The following DAB1 variants were observed in gnomAD, a reference collection of about 807,000 sequenced individuals.
DAB1 encodes disabled homolog 1.
DAB1 carries 15 observed loss-of-function variants against 64.6 expected under a neutral mutation model. The observed-to-expected ratio is 0.23, with a 90% CI of 0.16 to 0.36. DAB1 has a LOEUF of 0.36. Ranked by LOEUF, DAB1 falls within the 10% of genes least tolerant of loss-of-function variation. The pLI is 1.00. For synonymous variants in DAB1, 235 were observed against 251.9 expected, an observed-to-expected ratio of 0.93 and a Z score of 0.64; for missense variants, 596 against 706.7, an observed-to-expected ratio of 0.84 and a Z score of 1.78.
intron 1 of DAB1, among the ~76,000 whole-genome samples, chr1:57,397,715 G>A (rs17115739): frequency 0.11 from 16,546 of 152,254 alleles, 985 homozygotes; most frequent in Admixed American, 0.13. Flanking sequence ...AGTCTACCCC[G>A]AGTGATGAGG....
At chr1:57,971,682 G>C (rs1173775978) in intron 5 of DAB1, among the ~76,000 whole-genome samples, 2 of 152,174 alleles carry the variant, frequency 1.3e-5, no homozygotes, top group Admixed American at 1.3e-4. Flanking sequence ...TCTGTCAAAG[G>C]CATATAGTTA....
At chr1:57,880,907 C>G (rs1412947494) in intron 1 of DAB1, 5 of 152,030 alleles carry the variant, frequency 3.3e-5, no homozygotes, top group Non-Finnish European at 5.9e-5. Flanking sequence ...ATATAAAAAC[C>G]TCTATTTTAC....
intron 7 of DAB1, among the ~76,000 whole-genome samples, chr1:57,553,442 G>GAAAGAAAGAAAGGAA (rs59263518): frequency 2.9e-5 from 2 of 68,154 alleles, no homozygotes; most frequent in East Asian, 9.3e-4. Context: ...AAGAAAGAAA[G>GAAAGAAAGAAAGGAA]AGAAAGAAAG....
At chr1:57,348,398 C>G (rs1165406059) in intron 1 of DAB1, among the ~76,000 whole-genome samples, 1 of 151,996 alleles carries the variant, frequency 6.6e-6, no homozygotes, top group African/African-American at 2.4e-5. Context: ...TAAAGGTGAC[C>G]CTTGAGCTAT....
chr1:57,161,189 G>A (rs1324497441), intron 2 of DAB1, among the ~76,000 whole-genome samples: 1 of 152,160 alleles, frequency 6.6e-6, no homozygotes, highest in Non-Finnish European at 1.5e-5. Flanking sequence ...GATATGGAGA[G>A]ACAAGCCAGA....
At chr1:58,248,743 T>G (rs1015016354) in intron 4 of DAB1, among the ~76,000 whole-genome samples, 5 of 152,122 alleles carry the variant, frequency 3.3e-5, no homozygotes, top group African/African-American at 1.2e-4. Context: ...AAGACCTTTT[T>G]AATATGGCTG....
chr1:57,082,512 T>C (rs996122782), intron 4 of DAB1, among the ~76,000 whole-genome samples: 5 of 152,226 alleles, frequency 3.3e-5, no homozygotes, highest in Non-Finnish European at 7.3e-5. Flanking sequence ...TTCTGTTTTA[T>C]GTTATTTGTA....
intron 2 of DAB1, among the ~76,000 whole-genome samples, chr1:57,264,427 A>C (rs1483470710): frequency 6.6e-6 from 1 of 152,240 alleles, no homozygotes; most frequent in Admixed American, 6.5e-5. Context: ...GATAGAATGG[A>C]GGATGGGTAT....
At chr1:57,105,889 T>C (rs1413369928) in intron 4 of DAB1, among the ~76,000 whole-genome samples, 39 of 152,194 alleles carry the variant, frequency 2.6e-4, no homozygotes, top group Admixed American at 2.2e-3. Flanking sequence ...ATCCTATCAC[T>C]GATGGTCCTT....
At chr1:57,513,477 C>A (rs1644428796) in intron 7 of DAB1, among the ~76,000 whole-genome samples, 1 of 151,630 alleles carries the variant, frequency 6.6e-6, no homozygotes, top group African/African-American at 2.4e-5. Flanking sequence ...AGTTAATAAT[C>A]AATATGTTTG....
At chr1:57,184,655 A>G (rs1442685450) in intron 2 of DAB1, among the ~76,000 whole-genome samples, 1 of 152,082 alleles carries the variant, frequency 6.6e-6, no homozygotes, top group South Asian at 2.1e-4. Flanking sequence ...TCTCTCATAC[A>G]TGGTTTATGC....
intron 3 of DAB1, among the ~76,000 whole-genome samples, chr1:58,436,008 T>A (rs1644940554): frequency 6.6e-6 from 1 of 152,178 alleles, no homozygotes; most frequent in Admixed American, 6.5e-5. Flanking sequence ...ATAGAAGCCA[T>A]CCCCAGCACC....
intron 1 of DAB1, among the ~76,000 whole-genome samples, chr1:57,407,627 G>A (rs1683749666): frequency 6.6e-6 from 1 of 152,190 alleles, no homozygotes. Context: ...CCGAGGCCCA[G>A]AGAGTGAAGA....
At chr1:57,453,064 G>A (rs549655785) in intron 7 of DAB1, among the ~76,000 whole-genome samples, 167 of 152,212 alleles carry the variant, frequency 1.1e-3, no homozygotes, top group Admixed American at 2.1e-3. Context: ...GTAAAATTTA[G>A]GAGCTGATTA....
At chr1:58,504,994 G>A (rs574139926) in intron 3 of DAB1, among the ~76,000 whole-genome samples, 2 of 151,604 alleles carry the variant, frequency 1.3e-5, no homozygotes, top group South Asian at 4.2e-4. Flanking sequence ...TCACCCTGTC[G>A]CTGACTAGAG....
At chr1:58,222,291 T>G (rs1659214205) in intron 4 of DAB1, among the ~76,000 whole-genome samples, 1 of 151,806 alleles carries the variant, frequency 6.6e-6, no homozygotes, top group African/African-American at 2.4e-5. Context: ...AAAAAAAAAA[T>G]CCCTGGGTAA....
At chr1:57,209,226 T>C (rs1241932438) in intron 2 of DAB1, among the ~76,000 whole-genome samples, 1 of 152,222 alleles carries the variant, frequency 6.6e-6, no homozygotes, top group Non-Finnish European at 1.5e-5. Flanking sequence ...ATTACTGCAC[T>C]GAGTGTTTCT....
At chr1:58,460,895 C>T (rs1645237362) in intron 3 of DAB1, among the ~76,000 whole-genome samples, 1 of 152,116 alleles carries the variant, frequency 6.6e-6, no homozygotes, top group Admixed American at 6.5e-5. Flanking sequence ...GTGTAAGTGC[C>T]CCATGGTGCA....
intron 4 of DAB1, among the ~76,000 whole-genome samples, chr1:58,335,446 C>T (rs79447694): frequency 0.041 from 6,228 of 152,300 alleles, 153 homozygotes; most frequent in East Asian, 0.1. Flanking sequence ...ATTTGGAAAG[C>T]AGGCTCCATG....
Sources: allele counts gnomAD v4.1 joint callset (sites outside exome capture counted in the v4.1 genomes callset), GRCh38; gene constraint gnomAD v4.1.1; transcripts MANE v1.5; gene names NCBI Gene and HGNC (gene_info 2026-07-23, HGNC 2026-07-21).